The following AOC1 variants were observed in gnomAD, a reference collection of about 807,000 sequenced individuals.
AOC1 encodes diamine oxidase [copper-containing].
Under a neutral mutation model 57.1 loss-of-function variants are expected in AOC1, and 58 were observed. That is an observed-to-expected ratio of 1.02 (90% CI 0.82 to 1.26). AOC1 has a LOEUF of 1.26. AOC1 is among the 50% of genes most tolerant of loss of function. The pLI is 0.00. For synonymous variants in AOC1, 401 were observed against 423.4 expected (o/e 0.95, Z 0.65); for missense variants, 917 against 1,005.3 (o/e 0.91, Z 1.19).
At position 150,852,542 on chromosome 7, in the gene AOC1, G is replaced by A. The variant is rs1799653537; in HGVS notation, c.-33G>A. ...GCAAAGGCTGGAAGCAGAGCGAACT[G>A]GGAGCAGAGCACACAGGTGCGTTCT... On this transcript the variant is annotated 5_prime_UTR_variant, in exon 1 of 5. Transcript: ENST00000360937. This position sits in a 1 kb window ranked among gnomAD's most constrained non-coding sequence, Gnocchi z 4.6. The A allele has an allele frequency of 6.5e-6, 1 of 152,946 alleles. No homozygotes were observed. The highest frequency in any genetic ancestry group is 2.4e-5 in the African/African-American group (1 of 41,474). The allele number at this position is 152,946 out of a possible 1,614,324, so 9.5% of individuals were successfully genotyped here.
chr7:150,857,533 G>T lies in AOC1; in HGVS notation c.1063G>T (p.Ala355Ser). 1.2e-6 allele frequency: 2 copies of T among 1,613,988 alleles called. No homozygotes were observed. The highest frequency in any genetic ancestry group is 1.7e-6 in the Non-Finnish European group (2 of 1,180,002). Reference protein sequence around the residue: ...RIAYEVSVQEAVALYGGHTPA... With the variant: ...RIAYEVSVQESVALYGGHTPA... ...TGCCTATGAGGTCAGCGTGCAAGAG[G>T]CAGTGGCGCTGTATGGAGGACACAC... is the stretch of plus-strand genomic sequence containing the variant. The change falls in exon 2 of 5, where the codon GCA becomes TCA. Residue 355 changes from alanine (A) to serine (S), a missense_variant. Transcript: ENST00000360937. This position sits in a 1 kb window ranked among gnomAD's most constrained non-coding sequence, Gnocchi z 6.6.
intron 2 of AOC1, 78 bp downstream of exon 2, chr7:150,858,118 T>C (rs1271249168): frequency 6.8e-7 from 1 of 1,471,010 alleles, no homozygotes; most frequent in East Asian, 2.3e-5. Flanking sequence ...GACGGCACTA[T>C]AACTCCCTGG....
chr7:150,855,859 G>GTGGGCC (rs1799753595), intron 1 of AOC1, among the ~76,000 whole-genome samples: 1 of 152,084 alleles, frequency 6.6e-6, no homozygotes, highest in Non-Finnish European at 1.5e-5. Context: ...AAGCACTGTT[G>GTGGGCC]TCATTATTTT....
intron 2 of AOC1, 71 bp downstream of exon 2, chr7:150,858,111 G>A (rs1199145084): frequency 8.1e-6 from 12 of 1,480,120 alleles, no homozygotes; most frequent in South Asian, 5.5e-5. Context: ...CCCAGGAGAC[G>A]GCACTATAAC....
chr7:150,857,324 A>G lies in AOC1; in HGVS notation c.854A>G (p.His285Arg), dbSNP rs774485337. ...GAGGAGCCGCCCCTCTTCTCCTCCC[A>G]CAAGCCCCGCGGGGACTTCCCCAGC... is the stretch of plus-strand genomic sequence containing the variant. The part of the protein sequence containing the change: ...STEEPPLFSS[H>R]KPRGDFPSPI... Residue 285 changes from histidine to arginine, a missense_variant, in exon 2 of 5, where the codon CAC becomes CGC. Transcript: ENST00000360937. The surrounding 1 kb of genome is among the most constrained non-coding windows in gnomAD (Gnocchi z 6.6). 6.3e-7 allele frequency: 1 copy of G among 1,598,364 alleles called. No homozygotes were observed. The highest frequency in any genetic ancestry group is 1.1e-5 in the South Asian group (1 of 89,336).
chr7:150,857,886 C>A lies in AOC1; in HGVS notation c.1416C>A (p.Asn472Lys). 3 of 1,613,640 alleles carry A rather than the reference C, an allele frequency of 1.9e-6. No homozygotes were observed. Among genetic ancestry groups the A allele is most frequent in the Non-Finnish European group, 2.5e-6 (3 of 1,179,682 alleles). Residue 472 changes from asparagine to lysine, a missense_variant, in exon 2 of 5, where the codon AAC becomes AAA. Asn to Lys is a moderately conservative substitution (Grantham distance 94). Coordinates refer to ENST00000360937, the MANE Select transcript of AOC1 (RefSeq NM_001091.4). This position sits in a 1 kb window ranked among gnomAD's most constrained non-coding sequence, Gnocchi z 6.6. The part of the protein sequence containing the change: ...DYIWDFIFYP[N>K]GVMEAKMHAT... The stretch of plus-strand genomic sequence containing the variant: ...TTTGGGACTTTATCTTCTACCCCAA[C>A]GGGGTGATGGAGGCCAAGATGCATG...
In AOC1 at chr7:150,856,695, G is replaced by A. The variant is rs893315962; in HGVS notation, c.225G>A (p.Leu75=). ...AKNTVFLIEM[L]LPKKYHVLRF... is the part of the protein sequence containing the mutation. ...ACACCGTGTTTCTCATCGAGATGCT[G>A]CTGCCCAAGAAGTACCATGTGCTGA... The change falls in exon 2 of 5, where the codon CTG becomes CTA. Residue 75 remains leucine (L), a synonymous_variant. Transcript: ENST00000360937. The surrounding 1 kb of genome is among the most constrained non-coding windows in gnomAD (Gnocchi z 5.2). 1 of 1,614,182 alleles carries A rather than the reference G, an allele frequency of 6.2e-7. No individual in the cohort carries two copies. The highest frequency in any genetic ancestry group is 1.7e-5 in the Admixed American group (1 of 60,026).
In AOC1 at chr7:150,857,393, C is replaced by G. The variant is rs1487514043; in HGVS notation, c.923C>G (p.Pro308Arg). The G allele has an allele frequency of 6.2e-7, 1 of 1,610,412 alleles. No individual in the cohort carries two copies. The highest frequency in any genetic ancestry group is 1.7e-5 in the Admixed American group (1 of 59,956). ...SGPRLVQPHG[P>R]RFRLEGNAVL... ...CCCCGCTTGGTCCAGCCCCACGGCC[C>G]TCGCTTCAGGCTGGAGGGCAACGCT... The change falls in exon 2 of 5, where the codon CCT becomes CGT. Residue 308 changes from proline (P) to arginine (R), a missense_variant. By Grantham distance (103) the Pro-to-Arg change is moderately radical. Transcript: ENST00000360937. This position sits in a 1 kb window ranked among gnomAD's most constrained non-coding sequence, Gnocchi z 6.6.
At position 150,857,524 on chromosome 7, in the gene AOC1, G is replaced by A. The variant is rs780906130; in HGVS notation, c.1054G>A (p.Val352Met). The A allele has an allele frequency of 1.9e-5, 30 of 1,613,886 alleles. No individual in the cohort carries two copies. The highest frequency in any genetic ancestry group is 1.6e-4 in the Middle Eastern group (1 of 6,084). ...GGERIAYEVS[V>M]QEAVALYGGH... Reference sequence around the variant, plus strand: ...AGAGCGCATTGCCTATGAGGTCAGCGTGCAAGAGGCAGTGGCGCTGTATGG... The same window carrying A: ...AGAGCGCATTGCCTATGAGGTCAGCATGCAAGAGGCAGTGGCGCTGTATGG... Residue 352 changes from valine to methionine, a missense_variant, in exon 2 of 5, where the codon GTG becomes ATG. Coordinates refer to ENST00000360937, the MANE Select transcript of AOC1 (RefSeq NM_001091.4). The surrounding 1 kb of genome is among the most constrained non-coding windows in gnomAD (Gnocchi z 6.6).
At chr7:150,853,687 ATATATATATATT>A (rs1326773043) in intron 1 of AOC1, among the ~76,000 whole-genome samples, 106 of 24,878 alleles carry the variant, frequency 4.3e-3, no homozygotes, top group African/African-American at 0.035. Context: ...ATATATATAT[ATATATATATATT>A]TATTTATTTA....
rs550644434 is a variant in AOC1 at position 150,857,441 on chromosome 7, T to A, written c.971T>A (p.Phe324Tyr). 8.7e-6 allele frequency: 14 copies of A among 1,611,300 alleles called. No individual in the cohort carries two copies. In the East Asian group the frequency reaches 3.1e-4, roughly 36 times the overall value. Residue 324 changes from phenylalanine to tyrosine, a missense_variant, in exon 2 of 5, where the codon TTT (phenylalanine) becomes TAT (tyrosine). Transcript: ENST00000360937. The surrounding 1 kb of genome is among the most constrained non-coding windows in gnomAD (Gnocchi z 6.6). ...GCTGTGCTCTACGGCGGCTGGAGCT[T>A]TGCCTTCCGGCTGCGCTCCTCCTCC... Reference protein sequence around the residue: ...GNAVLYGGWSFAFRLRSSSGL... With the variant: ...GNAVLYGGWSYAFRLRSSSGL...
Position 150,857,040 on chromosome 7 carries a change from G to A in AOC1, c.570G>A (p.Arg190=). 1 of 1,614,140 alleles carries A rather than the reference G, an allele frequency of 6.2e-7. No homozygotes were observed. The highest frequency in any genetic ancestry group is 8.5e-7 in the Non-Finnish European group (1 of 1,180,008). ...RCLAFTDVAP[R]GVASGQRRSW... ...TGGCCTTCACCGATGTGGCCCCCCG[G>A]GGTGTGGCTTCTGGCCAGCGCCGCA... Residue 190 remains arginine, a synonymous_variant, in exon 2 of 5, where the codon CGG becomes CGA. Transcript: ENST00000360937. The surrounding 1 kb of genome is among the most constrained non-coding windows in gnomAD (Gnocchi z 6.6).
rs45490891 is a variant in AOC1 at position 150,852,729 on chromosome 7, G to A, written c.-17+171G>A. 6.7e-3 allele frequency among the ~76,000 whole-genome samples: 1,023 copies of A among 152,272 alleles called. 10 individuals carry two copies. The highest frequency in any genetic ancestry group is 0.023 in the African/African-American group (949 of 41,550). On this transcript the variant is annotated intron_variant, in intron 1 of 4. Coordinates refer to ENST00000360937, the MANE Select transcript of AOC1 (RefSeq NM_001091.4). This position sits in a 1 kb window ranked among gnomAD's most constrained non-coding sequence, Gnocchi z 4.6. ...ATCACAGAAGGTGCCCGGGTGCTTGGTGGCAGGCAACAGCCGGCCAGGGTG... is the reference window on the plus strand; with the variant it reads ...ATCACAGAAGGTGCCCGGGTGCTTGATGGCAGGCAACAGCCGGCCAGGGTG...
chr7:150,860,706 C>A, intron 4 of AOC1, 73 bp downstream of exon 4: 1 of 1,548,264 alleles, frequency 6.5e-7, no homozygotes. Context: ...CCATCCTCAT[C>A]ACCATCAGGG....
chr7:150,859,193 A>C, intron 3 of AOC1, 145 bp downstream of exon 3: 1 of 976,748 alleles, frequency 1.0e-6, no homozygotes, highest in South Asian at 2.7e-5. Flanking sequence ...TGTACAATTG[A>C]CCCTGAACAA....
In AOC1 at chr7:150,858,869, C is replaced by T. The variant is rs775751496; in HGVS notation, c.1677C>T (p.Tyr559=). The T allele has an allele frequency of 5.6e-6, 9 of 1,613,862 alleles. No individual in the cohort carries two copies. The highest frequency in any genetic ancestry group is 8.5e-7 in the Non-Finnish European group (1 of 1,179,900). Residue 559 remains tyrosine (Y), a synonymous_variant, in exon 3 of 5, where the codon TAC becomes TAT. Transcript: ENST00000360937. ...VVQPTLEQTQ[Y]SWERQAAFRF... The stretch of plus-strand genomic sequence containing the variant: ...AGCCAACTCTGGAGCAGACGCAGTA[C>T]TCCTGGGAGCGCCAGGCGGCCTTCC...
chr7:150,860,608 A>G lies in AOC1; in HGVS notation c.1964A>G (p.His655Arg), dbSNP rs1253718575. ...HPPVVFEQFL[H>R]NNENIENEDL... is the part of the protein sequence containing the mutation. Reference sequence around the variant, plus strand: ...CCCGTGGTCTTTGAGCAGTTTCTTCACAACAACGAGAACATTGAAAATGAG... The same window carrying G: ...CCCGTGGTCTTTGAGCAGTTTCTTCGCAACAACGAGAACATTGAAAATGAG... The change falls in exon 4 of 5, where the codon CAC becomes CGC. Residue 655 changes from histidine to arginine, a missense_variant. By Grantham distance (29) the His-to-Arg change is conservative. Transcript: ENST00000360937. 2.5e-6 allele frequency: 4 copies of G among 1,613,980 alleles called. No individual in the cohort carries two copies. The South Asian group carries it at 4.4e-5, about 18-fold the overall frequency.
intron 3 of AOC1, 70 bp downstream of exon 3, chr7:150,859,118 G>C: frequency 7.0e-7 from 1 of 1,435,510 alleles, no homozygotes; most frequent in South Asian, 1.5e-5. Context: ...GTGTCTGTCT[G>C]TGTTTGTGTC....
At position 150,856,949 on chromosome 7, in the gene AOC1, A is replaced by G; in HGVS notation, c.479A>G (p.Lys160Arg). The G allele has an allele frequency of 6.2e-7, 1 of 1,614,112 alleles. No individual in the cohort carries two copies. The highest frequency in any genetic ancestry group is 8.5e-7 in the Non-Finnish European group (1 of 1,179,976). Residue 160 changes from lysine to arginine, a missense_variant, in exon 2 of 5, where the codon AAG becomes AGG. Physicochemically the swap from Lys to Arg is conservative, Grantham distance 26 (BLOSUM62 2). Transcript: ENST00000360937. The surrounding 1 kb of genome is among the most constrained non-coding windows in gnomAD (Gnocchi z 5.2). ...LLYHTLQEAT[K>R]PLHQFFLNTT... is the part of the protein sequence containing the mutation. ...TACCACACCCTGCAGGAAGCCACCA[A>G]GCCCCTGCATCAGTTCTTCCTCAAT...
Sources: allele counts gnomAD v4.1 joint callset (sites outside exome capture counted in the v4.1 genomes callset), GRCh38; gene constraint gnomAD v4.1.1; non-coding constraint Gnocchi (gnomAD v3.1); transcripts MANE v1.5; gene names NCBI Gene and HGNC (gene_info 2026-07-23, HGNC 2026-07-21).